KDM4C: variants seen among roughly 807,000 people sequenced by gnomAD.
KDM4C encodes the protein lysine demethylase 4C, also known as lysine-specific demethylase 4C.
Under a neutral mutation model 129.3 loss-of-function variants are expected in KDM4C, and 81 were observed. That is an observed-to-expected ratio of 0.63 (90% CI 0.52 to 0.75). The LOEUF (loss-of-function observed/expected upper bound fraction) is 0.75. KDM4C is among the 30% of genes least tolerant of loss of function. The pLI, the probability that KDM4C is intolerant of heterozygous loss-of-function variation, is 0.00. For missense variants in KDM4C, 1,457 were observed against 1,304.0 expected (o/e 1.12, Z -1.81); for synonymous variants, 573 against 456.1 (o/e 1.26, Z -3.26).
chr9:6,987,235 C>A (rs1397047380), intron 11 of KDM4C, among the ~76,000 whole-genome samples: 1 of 152,136 alleles, frequency 6.6e-6, no homozygotes, highest in Admixed American at 6.5e-5. Flanking sequence ...CCTCATGGAC[C>A]CTGAATCTCA....
At chr9:7,090,750 G>T (rs573477812) in intron 17 of KDM4C, among the ~76,000 whole-genome samples, 1 of 152,160 alleles carries the variant, frequency 6.6e-6, no homozygotes, top group Non-Finnish European at 1.5e-5. Flanking sequence ...AGCAGGTATA[G>T]TTTTCTAGGC....
chr9:7,026,495 C>G (rs1457476065), intron 15 of KDM4C, among the ~76,000 whole-genome samples: 2 of 151,662 alleles, frequency 1.3e-5, no homozygotes, highest in Non-Finnish European at 2.9e-5. Context: ...TTTCTTTTCT[C>G]TTGCTGCTTT....
intron 12 of KDM4C, among the ~76,000 whole-genome samples, chr9:7,003,092 C>G (rs1821029025): frequency 6.6e-6 from 1 of 152,184 alleles, no homozygotes; most frequent in Non-Finnish European, 1.5e-5. Context: ...TCTCGAACTC[C>G]TGACCTCAAG....
chr9:6,734,812 T>C, intron 1 of KDM4C: 1 of 443,098 alleles, frequency 2.3e-6, no homozygotes, highest in Non-Finnish European at 4.5e-6. Flanking sequence ...TCCTGTTCCA[T>C]TGTTTTCTCT....
At chr9:6,733,196 G>A (rs527890374) in intron 1 of KDM4C, among the ~76,000 whole-genome samples, 9 of 152,276 alleles carry the variant, frequency 5.9e-5, no homozygotes, top group Admixed American at 5.9e-4. Context: ...AAGTTGCTCT[G>A]CTTAAAAAAC....
chr9:6,852,150 C>A (rs377403823), intron 5 of KDM4C, among the ~76,000 whole-genome samples: 1 of 152,090 alleles, frequency 6.6e-6, no homozygotes, highest in Non-Finnish European at 1.5e-5. Context: ...TGAAATATTA[C>A]ATTTCCTCAG....
chr9:7,059,763 C>G (rs1488233334), intron 17 of KDM4C, among the ~76,000 whole-genome samples: 1 of 152,164 alleles, frequency 6.6e-6, no homozygotes, highest in East Asian at 1.9e-4. Flanking sequence ...AAATTTAAAA[C>G]AACGCCACTC....
At chr9:6,920,561 A>G (rs1403710713) in intron 8 of KDM4C, among the ~76,000 whole-genome samples, 1 of 82,728 alleles carries the variant, frequency 1.2e-5, no homozygotes, top group South Asian at 2.9e-4. Context: ...AGAAAAAAAA[A>G]ATTAATTAAT....
At chr9:7,107,847 T>A (rs1463512580) in intron 18 of KDM4C, among the ~76,000 whole-genome samples, 1 of 151,642 alleles carries the variant, frequency 6.6e-6, no homozygotes, top group Non-Finnish European at 1.5e-5. Context: ...ACAGAAAGTA[T>A]TTGTTGTTGT....
chr9:6,729,933 A>G (rs1280721902), intron 1 of KDM4C, among the ~76,000 whole-genome samples: 3 of 133,924 alleles, frequency 2.2e-5, no homozygotes, highest in African/African-American at 3.2e-5. Context: ...AACATGGCGA[A>G]AATTAATCTC....
In KDM4C at chr9:6,835,995, T is replaced by C. The variant is rs528614007; in HGVS notation, c.436-13512T>C. ...AAATTTTTTTAAATTTTTGCCTTAATACTTTTTAAGTTTGTTTTATTTTGA... is the reference window on the plus strand; with the variant it reads ...AAATTTTTTTAAATTTTTGCCTTAACACTTTTTAAGTTTGTTTTATTTTGA... On this transcript the variant is annotated intron_variant, in intron 4 of 21. Coordinates refer to ENST00000381309, the MANE Select transcript of KDM4C (RefSeq NM_015061.6). Among the ~76,000 whole-genome samples, 4 of 152,358 alleles carry C rather than the reference T, an allele frequency of 2.6e-5. No homozygotes were observed. The East Asian group carries it at 5.8e-4, about 22-fold the overall frequency.
intron 8 of KDM4C, among the ~76,000 whole-genome samples, chr9:6,930,704 TATG>T (rs1191933768): frequency 1.4e-5 from 2 of 139,320 alleles, no homozygotes; most frequent in African/African-American, 5.0e-5. Flanking sequence ...TAACATATCA[TATG>T]ATTATACTAT....
intron 8 of KDM4C, chr9:6,925,055 T>C: frequency 1.0e-6 from 1 of 985,392 alleles, no homozygotes; most frequent in Non-Finnish European, 1.2e-6. Context: ...AGAATGAACA[T>C]TCAACGAAAC....
At chr9:7,022,689 G>A (rs1825096033) in intron 15 of KDM4C, among the ~76,000 whole-genome samples, 1 of 138,148 alleles carries the variant, frequency 7.2e-6, no homozygotes, top group Non-Finnish European at 1.5e-5. Context: ...GTACTGTGTT[G>A]AAGAACAGTG....
Position 6,856,845 on chromosome 9 carries a change from C to T in KDM4C, c.629+7145C>T, listed in dbSNP as rs375750663. Among the ~76,000 whole-genome samples, 3 of 150,826 alleles carry T rather than the reference C, an allele frequency of 2.0e-5. No individual in the cohort carries two copies. In the South Asian group the frequency reaches 6.3e-4, roughly 32 times the overall value. On this transcript the variant is annotated intron_variant, in intron 5 of 21. Coordinates refer to ENST00000381309, the MANE Select transcript of KDM4C (RefSeq NM_015061.6). The stretch of plus-strand genomic sequence containing the variant: ...CAATCTCGGCTCACTGCAAGCTCCG[C>T]TTCCCGGGTTCACGCCATTCTCCTG...
chr9:6,972,523 A>G (rs930360714), intron 8 of KDM4C, among the ~76,000 whole-genome samples: 1 of 152,234 alleles, frequency 6.6e-6, no homozygotes, highest in Non-Finnish European at 1.5e-5. Context: ...TTATCTGCTT[A>G]GGAAAATGCC....
chr9:6,987,448 C>G (rs1817928545), intron 11 of KDM4C, among the ~76,000 whole-genome samples: 1 of 152,180 alleles, frequency 6.6e-6, no homozygotes, highest in Non-Finnish European at 1.5e-5. Context: ...CTAGGACTGT[C>G]TGTAGCGATT....
chr9:7,060,909 G>A (rs1831569571), intron 17 of KDM4C, among the ~76,000 whole-genome samples: 1 of 152,150 alleles, frequency 6.6e-6, no homozygotes, highest in African/African-American at 2.4e-5. Context: ...AAAGACAGCT[G>A]TTCCTCTTCC....
intron 2 of KDM4C, among the ~76,000 whole-genome samples, chr9:6,804,507 C>G (rs1185752606): frequency 6.6e-6 from 1 of 152,172 alleles, no homozygotes; most frequent in Non-Finnish European, 1.5e-5. Flanking sequence ...CGCCTGTAAT[C>G]CCAACAATTT....
Sources: allele counts gnomAD v4.1 joint callset (sites outside exome capture counted in the v4.1 genomes callset), GRCh38; gene constraint gnomAD v4.1.1; transcripts MANE v1.5; gene names NCBI Gene and HGNC (gene_info 2026-07-23, HGNC 2026-07-21).